HESX1: variants seen among roughly 807,000 people sequenced by gnomAD.
The protein encoded by HESX1 is HESX homeobox 1, also known as homeobox expressed in ES cells 1.
HESX1 carries 11 observed loss-of-function variants against 22.5 expected under a neutral mutation model. The observed-to-expected ratio is 0.49, with a 90% confidence interval of 0.31 to 0.81. The LOEUF is 0.81. Ranked by LOEUF, HESX1 falls within the 30% of genes least tolerant of loss-of-function variation. The pLI, the probability that HESX1 is intolerant of heterozygous loss-of-function variation, is 0.05. For missense variants in HESX1, 201 were observed against 212.6 expected, an observed-to-expected ratio of 0.95 and a Z score of 0.34; for synonymous variants, 74 against 76.5, an observed-to-expected ratio of 0.97 and a Z score of 0.17.
upstream of HESX1, among the ~76,000 whole-genome samples, chr3:57,203,501 G>C (rs988201192): frequency 6.6e-6 from 1 of 152,024 alleles, no homozygotes; most frequent in African/African-American, 2.4e-5. Flanking sequence ...CTGATTTTGG[G>C]CTTGTTTGTG....
At position 57,198,804 on chromosome 3, in the gene HESX1, C is replaced by T. The variant is rs2060464723; in HGVS notation, c.306G>A (p.Glu102=). 1.9e-6 allele frequency: 3 copies of T among 1,613,994 alleles called. No homozygotes were observed. The South Asian group carries it at 3.3e-5, about 18-fold the overall frequency. Residue 102 remains glutamate (E), a synonymous_variant, in exon 2 of 4, where the codon GAG becomes GAA. Transcript: ENST00000295934. ...SASERLSLKR[E]LSWYRGRRPR... is the part of the protein sequence containing the mutation. ...GTCTTCGGCCTCTATACCAACTCAA[C>T]TCTCTTTTCAAAGACAGTCTTTCTG...
chr3:57,202,430 G>C (rs1018474160), upstream of HESX1, among the ~76,000 whole-genome samples: 5 of 151,888 alleles, frequency 3.3e-5, no homozygotes, highest in African/African-American at 1.2e-4. Flanking sequence ...CCACCTCCTG[G>C]GTTCAAGCAG....
At chr3:57,211,832 CAA>C (rs111228627) in intron 1 of HESX1, among the ~76,000 whole-genome samples, 1 of 136,884 alleles carries the variant, frequency 7.3e-6, no homozygotes. Flanking sequence ...GACGCCATCT[CAA>C]AAAAAAAAAA....
At chr3:57,223,108 G>C (rs2060624049) in intron 1 of HESX1, among the ~76,000 whole-genome samples, 1 of 152,132 alleles carries the variant, frequency 6.6e-6, no homozygotes, top group Admixed American at 6.6e-5. Flanking sequence ...AAGTTCTCTA[G>C]TATTAAGCTC....
chr3:57,206,193 A>T (rs546420070), intron 1 of HESX1, among the ~76,000 whole-genome samples: 2 of 152,326 alleles, frequency 1.3e-5, no homozygotes, highest in African/African-American at 4.8e-5. Flanking sequence ...AACTTCTCAA[A>T]AAAACAAAAA....
At chr3:57,213,216 C>T (rs1260096595) in intron 1 of HESX1, among the ~76,000 whole-genome samples, 1 of 152,190 alleles carries the variant, frequency 6.6e-6, no homozygotes, top group Non-Finnish European at 1.5e-5. Context: ...TGGCAATGAA[C>T]ATCCTCTACA....
exon 1 of HESX1, chr3:57,226,462 A>AG (rs1439472706): frequency 2.0e-5 from 3 of 152,208 alleles, no homozygotes; most frequent in African/African-American, 4.8e-5. Context: ...TCTTCGGGAG[A>AG]GAGAGACTGG....
chr3:57,198,702 G>A, intron 2 of HESX1, 51 bp downstream of exon 2: 1 of 1,523,788 alleles, frequency 6.6e-7, no homozygotes, highest in Non-Finnish European at 9.1e-7. Flanking sequence ...GCTCAACTTG[G>A]TGTCAATTAA....
chr3:57,205,799 C>A (rs2060516705), intron 1 of HESX1, among the ~76,000 whole-genome samples: 1 of 152,212 alleles, frequency 6.6e-6, no homozygotes, highest in South Asian at 2.1e-4. Context: ...CAGCACTTAA[C>A]CACCTTTGGC....
At chr3:57,225,719 C>T (rs867588560) in intron 1 of HESX1, among the ~76,000 whole-genome samples, 1 of 152,028 alleles carries the variant, frequency 6.6e-6, no homozygotes, top group Non-Finnish European at 1.5e-5. Flanking sequence ...TCTTGAGAGT[C>T]CTTTACAGAA....
At chr3:57,225,627 C>G (rs147013220) in intron 1 of HESX1, among the ~76,000 whole-genome samples, 1 of 152,046 alleles carries the variant, frequency 6.6e-6, no homozygotes, top group Non-Finnish European at 1.5e-5. Context: ...AGGCGTGAGC[C>G]CCACCGCGCC....
chr3:57,224,001 T>C (rs954981292), intron 1 of HESX1, among the ~76,000 whole-genome samples: 19 of 152,322 alleles, frequency 1.2e-4, no homozygotes, highest in African/African-American at 4.6e-4. Flanking sequence ...TGTTAATTTT[T>C]GTTTTAATTT....
rs1330788126 is a variant in HESX1 at position 57,199,850 on chromosome 3, A to C, written c.69T>G (p.Ile23Met). ...ENKPSTCSFSIERILGLDQKK... is the reference protein window; with the variant it reads ...ENKPSTCSFSMERILGLDQKK... ...TCTGGTCCAGTCCTAAGATTCTCTC[A>C]ATTGAAAAGGAGCAAGTTGAGGGTT... Residue 23 changes from isoleucine (I) to methionine (M), a missense_variant, in exon 1 of 4, where the codon ATT becomes ATG. Transcript: ENST00000295934. The C allele has an allele frequency of 2.5e-6, 4 of 1,613,868 alleles. No individual in the cohort carries two copies. The highest frequency in any genetic ancestry group is 3.4e-6 in the Non-Finnish European group (4 of 1,179,776).
chr3:57,201,493 C>T (rs957970917), upstream of HESX1, among the ~76,000 whole-genome samples: 1 of 151,774 alleles, frequency 6.6e-6, no homozygotes, highest in African/African-American at 2.4e-5. Flanking sequence ...TGGTTGAGCA[C>T]CTTCTCAGAA....
chr3:57,224,091 CA>C (rs2060629457), intron 1 of HESX1, among the ~76,000 whole-genome samples: 2 of 152,130 alleles, frequency 1.3e-5, no homozygotes, highest in Non-Finnish European at 2.9e-5. Context: ...CTCCCAAGTT[CA>C]AGCGATTCTC....
upstream of HESX1, among the ~76,000 whole-genome samples, chr3:57,200,890 GA>G (rs779076544): frequency 2.6e-4 from 39 of 152,268 alleles, 4 homozygotes; most frequent in Admixed American, 2.2e-3. Context: ...ACCAAGAACA[GA>G]ATGTTTTAAT....
chr3:57,222,548 C>T (rs527902048), intron 1 of HESX1, among the ~76,000 whole-genome samples: 2 of 152,284 alleles, frequency 1.3e-5, no homozygotes, highest in South Asian at 4.1e-4. Flanking sequence ...TGTGAGCCAC[C>T]GCCCCCAGCC....
rs200198237 is a variant in HESX1 at position 57,224,311 on chromosome 3, A to AT, written c.-111+1984dup. The stretch of plus-strand genomic sequence containing the variant: ...TTTTTTAAAATTTTAATTTAATTTA[A>AT]TTTTTTTTTGTAGAGATGGTGTCTC... On this transcript the variant is annotated intron_variant, in intron 1 of 2. Transcript: ENST00000495160. Among the ~76,000 whole-genome samples, 163 of 151,550 alleles carry AT rather than the reference A, an allele frequency of 1.1e-3. 1 individual carries two copies. The highest frequency in any genetic ancestry group is 1.7e-3 in the Non-Finnish European group (113 of 67,830).
rs139264156 is a variant in HESX1 at position 57,198,103 on chromosome 3, C to A, written c.*94G>T. The stretch of plus-strand genomic sequence containing the variant: ...AAAATGACAATATTCAGATTAAATG[C>A]AGGAAAGAAAACATCACATTTTAAC... On this transcript the variant is annotated 3_prime_UTR_variant, in exon 4 of 4. Transcript: ENST00000295934. The A allele has an allele frequency of 4.9e-6, 4 of 817,776 alleles. No individual in the cohort carries two copies. In the African/African-American group the frequency reaches 6.8e-5, roughly 14 times the overall value. The allele number at this position is 817,776 out of a possible 1,614,324, so 50.7% of individuals were successfully genotyped here. A position where few individuals can be genotyped will look rare whatever the true frequency, so the allele number is the denominator to read the frequency against.
Sources: allele counts gnomAD v4.1 joint callset (sites outside exome capture counted in the v4.1 genomes callset), GRCh38; gene constraint gnomAD v4.1.1; transcripts MANE v1.5; gene names NCBI Gene and HGNC (gene_info 2026-07-23, HGNC 2026-07-21).